NKAIN2: variants seen among roughly 807,000 people sequenced by gnomAD.
NKAIN2 encodes sodium/potassium-transporting ATPase subunit beta-1-interacting protein 2.
In NKAIN2, 14 loss-of-function variants were observed where a neutral mutation model predicts 32.6. The ratio of observed to expected loss-of-function variants is 0.43; its 90% CI spans 0.28 to 0.67. The LOEUF (loss-of-function observed/expected upper bound fraction) is 0.67. Among genes scored for constraint, NKAIN2 ranks in the 30% least tolerant of loss-of-function variants. NKAIN2 has a pLI of 0.17. For synonymous variants in NKAIN2, 80 were observed against 87.2 expected (o/e 0.92, Z 0.46); for missense variants, 198 against 258.3 (o/e 0.77, Z 1.60).
At chr6:123,871,425 T>C (rs1772868403) in intron 1 of NKAIN2, among the ~76,000 whole-genome samples, 1 of 152,202 alleles carries the variant, frequency 6.6e-6, no homozygotes, top group African/African-American at 2.4e-5. Context: ...AGCCATAGTC[T>C]GACCTGACTG....
chr6:124,084,173 A>G (rs897872797), intron 1 of NKAIN2, among the ~76,000 whole-genome samples: 4 of 151,976 alleles, frequency 2.6e-5, no homozygotes, highest in Non-Finnish European at 5.9e-5. Context: ...TATGGAAATG[A>G]ATTCCCTAAG....
chr6:124,208,544 A>G (rs1232205764), intron 1 of NKAIN2, among the ~76,000 whole-genome samples: 1 of 151,698 alleles, frequency 6.6e-6, no homozygotes, highest in Non-Finnish European at 1.5e-5. Context: ...TAAAAATTTA[A>G]GCAATTCCAG....
At chr6:123,830,461 C>T (rs894610804) in intron 1 of NKAIN2, among the ~76,000 whole-genome samples, 1 of 152,160 alleles carries the variant, frequency 6.6e-6, no homozygotes, top group Non-Finnish European at 1.5e-5. Context: ...GTTTGAGCCT[C>T]ACTGTCTTCT....
intron 1 of NKAIN2, among the ~76,000 whole-genome samples, chr6:124,223,074 A>C (rs1791915474): frequency 6.6e-6 from 1 of 151,848 alleles, no homozygotes; most frequent in Non-Finnish European, 1.5e-5. Flanking sequence ...TTAGCCGGGC[A>C]TGGTGGCGGG....
At chr6:124,413,123 G>A (rs186242639) in intron 3 of NKAIN2, among the ~76,000 whole-genome samples, 56 of 152,038 alleles carry the variant, frequency 3.7e-4, no homozygotes, top group African/African-American at 1.1e-3. Context: ...TGCACTTCCC[G>A]GGTGAGGTGA....
chr6:123,823,497 G>A (rs1774010876), intron 1 of NKAIN2: 1 of 152,180 alleles, frequency 6.6e-6, no homozygotes, highest in Non-Finnish European at 1.5e-5. Context: ...AAGTGAGAGT[G>A]ATAGGAACTT....
chr6:123,966,886 A>T (rs568181287), intron 1 of NKAIN2, among the ~76,000 whole-genome samples: 14 of 152,192 alleles, frequency 9.2e-5, no homozygotes, highest in Non-Finnish European at 1.6e-4. Flanking sequence ...TCCAGCTCTC[A>T]TGACATTTCC....
chr6:123,934,810 T>G (rs1437919550), intron 1 of NKAIN2, among the ~76,000 whole-genome samples: 1 of 151,992 alleles, frequency 6.6e-6, no homozygotes, highest in Non-Finnish European at 1.5e-5. Flanking sequence ...TTAAATAAAA[T>G]TAGTAAAATT....
At chr6:123,816,558 T>A (rs150375742) in intron 1 of NKAIN2, among the ~76,000 whole-genome samples, 1 of 152,264 alleles carries the variant, frequency 6.6e-6, no homozygotes, top group Non-Finnish European at 1.5e-5. Context: ...AGAATTGGAA[T>A]GAAAAAGCAG....
chr6:124,382,270 G>C (rs916618820), intron 3 of NKAIN2, among the ~76,000 whole-genome samples: 1 of 147,514 alleles, frequency 6.8e-6, no homozygotes, highest in Non-Finnish European at 1.5e-5. Flanking sequence ...TTTCTGAGAG[G>C]AGAAAAAAGG....
At chr6:124,395,689 A>G (rs1295610603) in intron 3 of NKAIN2, among the ~76,000 whole-genome samples, 1 of 152,188 alleles carries the variant, frequency 6.6e-6, no homozygotes, top group Non-Finnish European at 1.5e-5. Context: ...ACTTTTAGGT[A>G]AAGTAACATC....
chr6:124,299,550 G>A (rs542619745), intron 2 of NKAIN2, among the ~76,000 whole-genome samples: 87 of 152,140 alleles, frequency 5.7e-4, no homozygotes, highest in Admixed American at 2.7e-3. Flanking sequence ...CAATAAGGAA[G>A]ATAAAAACAT....
intron 1 of NKAIN2, among the ~76,000 whole-genome samples, chr6:124,189,760 A>ATTTT (rs1304582662): frequency 5.7e-4 from 87 of 152,350 alleles, no homozygotes; most frequent in African/African-American, 1.8e-3. Context: ...GCACAATGCC[A>ATTTT]GAAACTAGCA....
At chr6:123,864,743 TA>T (rs1306912670) in intron 1 of NKAIN2, among the ~76,000 whole-genome samples, 1 of 152,106 alleles carries the variant, frequency 6.6e-6, no homozygotes, top group African/African-American at 2.4e-5. Context: ...TAAAATATAT[TA>T]AGAATAAAAA....
chr6:124,494,028 T>C (rs1253706688), intron 3 of NKAIN2, among the ~76,000 whole-genome samples: 3 of 152,118 alleles, frequency 2.0e-5, no homozygotes, highest in African/African-American at 7.2e-5. Context: ...TCTCAGACTC[T>C]GCTTTCAAGG....
At chr6:124,293,327 G>C (rs1523974) in intron 2 of NKAIN2, among the ~76,000 whole-genome samples, 8,893 of 151,320 alleles carry the variant, frequency 0.059, 323 homozygotes, top group Admixed American at 0.09. Flanking sequence ...TCTTTTTTTT[G>C]ATTGCTATAT....
At chr6:124,339,445 A>AGAGT (rs753846599) in intron 2 of NKAIN2, among the ~76,000 whole-genome samples, 4 of 152,224 alleles carry the variant, frequency 2.6e-5, no homozygotes, top group Non-Finnish European at 4.4e-5. Context: ...GAGAGACTTC[A>AGAGT]GAGTCTCTGG....
At chr6:124,463,100 CA>C (rs1270270260) in intron 3 of NKAIN2, among the ~76,000 whole-genome samples, 2 of 151,898 alleles carry the variant, frequency 1.3e-5, no homozygotes, top group Non-Finnish European at 2.9e-5. Context: ...AGTTACCATT[CA>C]AAAGGAAGAA....
chr6:124,163,598 G>A (rs1442451692), intron 1 of NKAIN2, among the ~76,000 whole-genome samples: 3 of 151,954 alleles, frequency 2.0e-5, no homozygotes, highest in Non-Finnish European at 4.4e-5. Context: ...GCTTGCAAAA[G>A]TCTCTGATGT....
Sources: gnomAD v4.1 joint callset for allele counts (sites outside exome capture counted in the v4.1 genomes callset) on GRCh38, gnomAD v4.1.1 for gene constraint, MANE v1.5 for transcripts, NCBI Gene and HGNC (gene_info 2026-07-23, HGNC 2026-07-21) for gene names.